The following HTR2C variants were observed in gnomAD, a reference collection of about 807,000 sequenced individuals.
HTR2C encodes 5-hydroxytryptamine (serotonin) receptor 2C, G protein-coupled.
A neutral mutation model predicts 21.0 loss-of-function variants in HTR2C; 5 were observed. The ratio of observed to expected loss-of-function variants is 0.24; its 90% CI spans 0.12 to 0.50. The LOEUF (loss-of-function observed/expected upper bound fraction) is 0.50, where lower values mean the gene tolerates loss of function less well. HTR2C is among the 20% of genes least tolerant of loss of function. The pLI, the probability that HTR2C is intolerant of heterozygous loss-of-function variation, is 0.98. For synonymous variants in HTR2C, 150 were observed against 145.3 expected (o/e 1.03, Z -0.23); for missense variants, 271 against 371.2 (o/e 0.73, Z 2.22).
intron 5 of HTR2C, among the ~76,000 whole-genome samples, chrX:114,862,767 A>C (rs1429224408): frequency 1.8e-5 from 2 of 111,214 alleles, no homozygotes; most frequent in Admixed American, 9.6e-5. Context: ...TGGCGACGTT[A>C]CAATTCTTCT....
chrX:114,590,931 C>T (rs782259207), intron 1 of HTR2C, among the ~76,000 whole-genome samples: 2 of 111,598 alleles, frequency 1.8e-5, no homozygotes, highest in African/African-American at 6.5e-5. Flanking sequence ...CAGAAAGAAG[C>T]GCAAGTTTTC....
intron 4 of HTR2C, among the ~76,000 whole-genome samples, chrX:114,803,255 G>A (rs1220052607): frequency 6.9e-4 from 45 of 64,950 alleles, no homozygotes; most frequent in Admixed American, 1.6e-3. Context: ...CCAGTAATGG[G>A]ATGGCTGGGT....
In HTR2C at chrX:114,732,063, C is replaced by T. The variant is rs1452305585; in HGVS notation, c.349+456C>T. On this transcript the variant is annotated intron_variant, in intron 4 of 5. Coordinates refer to ENST00000276198, the MANE Select transcript of HTR2C (RefSeq NM_000868.4). Reference sequence around the variant, plus strand: ...AACTAAGTGGTTGACACAAAACAGGCACTCAATAATAGCTATTCTTCTTGT... The same window carrying T: ...AACTAAGTGGTTGACACAAAACAGGTACTCAATAATAGCTATTCTTCTTGT... 2.7e-5 allele frequency among the ~76,000 whole-genome samples: 3 copies of T among 111,736 alleles called. No homozygotes were observed. In the East Asian group the frequency reaches 8.4e-4, roughly 31 times the overall value.
At chrX:114,703,611 A>G (rs1303741473) in intron 2 of HTR2C, among the ~76,000 whole-genome samples, 1 of 112,103 alleles carries the variant, frequency 8.9e-6, no homozygotes, top group African/African-American at 3.2e-5. Flanking sequence ...GAAAGCAGGA[A>G]AGATCCAAAC....
At chrX:114,678,479 A>G (rs898297044) in intron 2 of HTR2C, among the ~76,000 whole-genome samples, 2 of 111,616 alleles carry the variant, frequency 1.8e-5, no homozygotes, top group Admixed American at 1.9e-4. Context: ...GAGGGTCGAG[A>G]TAAGAGAGAG....
At chrX:114,784,784 T>C (rs1556441641) in intron 4 of HTR2C, among the ~76,000 whole-genome samples, 1 of 109,952 alleles carries the variant, frequency 9.1e-6, no homozygotes, top group South Asian at 3.9e-4. Flanking sequence ...CGCGCCCGGC[T>C]AATTTTTTGT....
chrX:114,907,536 T>C lies in HTR2C; in HGVS notation c.*121T>C. ...TGCTGTCTGAAAAAGTGTTTTTACATATAGCTTTGCAACCTTGTACTTTAC... is the reference window on the plus strand; with the variant it reads ...TGCTGTCTGAAAAAGTGTTTTTACACATAGCTTTGCAACCTTGTACTTTAC... On this transcript the variant is annotated 3_prime_UTR_variant, in exon 6 of 6. Transcript: ENST00000276198. 1 of 513,331 alleles carries C rather than the reference T, an allele frequency of 1.9e-6. No homozygotes were observed. The highest frequency in any genetic ancestry group is 3.3e-6 in the Non-Finnish European group (1 of 305,367). The allele number at this position is 513,331 out of a possible 1,213,427, so 42.3% of individuals were successfully genotyped here. A position where few individuals can be genotyped will look rare whatever the true frequency, so the allele number is the denominator to read the frequency against.
intron 5 of HTR2C, among the ~76,000 whole-genome samples, chrX:114,853,211 T>G (rs1293155613): frequency 8.9e-6 from 1 of 111,740 alleles, no homozygotes; most frequent in Non-Finnish European, 1.9e-5. Context: ...TAAGTGTCCT[T>G]TTGCTCATTT....
chrX:114,626,631 A>G (rs1190735859), intron 2 of HTR2C, among the ~76,000 whole-genome samples: 3 of 112,061 alleles, frequency 2.7e-5, no homozygotes, highest in Non-Finnish European at 5.6e-5. Context: ...ACAACCTTTT[A>G]GGAAAAGTTG....
At chrX:114,760,541 G>T (rs2069856213) in intron 4 of HTR2C, among the ~76,000 whole-genome samples, 1 of 111,230 alleles carries the variant, frequency 9.0e-6, no homozygotes, top group South Asian at 3.8e-4. Flanking sequence ...TTTTGAGACA[G>T]ATTCTTACTC....
intron 4 of HTR2C, among the ~76,000 whole-genome samples, chrX:114,747,801 C>A (rs1030652881): frequency 8.9e-6 from 1 of 112,179 alleles, no homozygotes; most frequent in Admixed American, 9.5e-5. Flanking sequence ...GGGTCCCAGG[C>A]CTTCAATCCA....
chrX:114,679,507 G>A (rs958430032), intron 2 of HTR2C, among the ~76,000 whole-genome samples: 10 of 110,256 alleles, frequency 9.1e-5, no homozygotes, highest in African/African-American at 2.6e-4. Flanking sequence ...TTGAATTCCC[G>A]GACTCAAGTC....
intron 2 of HTR2C, among the ~76,000 whole-genome samples, chrX:114,706,577 G>A (rs1416590703): frequency 1.4e-5 from 1 of 69,460 alleles, no homozygotes; most frequent in African/African-American, 5.5e-5. Flanking sequence ...GGGGGAGGGG[G>A]GAGGGATAGC....
chrX:114,883,169 C>T (rs2147520839), intron 5 of HTR2C, among the ~76,000 whole-genome samples: 2 of 109,705 alleles, frequency 1.8e-5, no homozygotes, highest in South Asian at 7.6e-4. Context: ...AATAATATTC[C>T]TATAATCCAT....
intron 4 of HTR2C, among the ~76,000 whole-genome samples, chrX:114,843,657 CA>C (rs781886404): frequency 9.0e-6 from 1 of 111,188 alleles, no homozygotes; most frequent in African/African-American, 3.3e-5. Context: ...AGAATTACTC[CA>C]AAATATCCAA....
At chrX:114,901,066 C>T (rs1556485147) in intron 5 of HTR2C, among the ~76,000 whole-genome samples, 1 of 112,334 alleles carries the variant, frequency 8.9e-6, no homozygotes, top group Non-Finnish European at 1.9e-5. Context: ...CACACATGTA[C>T]TGACAATGAC....
chrX:114,899,639 G>A (rs996792690), intron 5 of HTR2C, among the ~76,000 whole-genome samples: 1 of 107,847 alleles, frequency 9.3e-6, no homozygotes, highest in Non-Finnish European at 1.9e-5. Context: ...TTGGCTCTGT[G>A]TTGCTCCCAG....
intron 2 of HTR2C, among the ~76,000 whole-genome samples, chrX:114,620,963 C>T (rs1390699029): frequency 4.5e-5 from 5 of 111,621 alleles, no homozygotes; most frequent in Non-Finnish European, 9.4e-5. Context: ...TCACTGCAAA[C>T]TCTGTCTCCC....
intron 2 of HTR2C, among the ~76,000 whole-genome samples, chrX:114,697,017 C>T (rs1374827159): frequency 9.0e-6 from 1 of 111,406 alleles, no homozygotes; most frequent in African/African-American, 3.3e-5. Context: ...CAGCTCTTTG[C>T]CTTTTCTCGA....
Sources: gnomAD v4.1 joint callset for allele counts (sites outside exome capture counted in the v4.1 genomes callset) on GRCh38, gnomAD v4.1.1 for gene constraint, MANE v1.5 for transcripts, NCBI Gene and HGNC (gene_info 2026-07-23, HGNC 2026-07-21) for gene names.